Variants in XPNPEP1 observed in about 807,000 individuals in gnomAD.
XPNPEP1 encodes the protein xaa-Pro aminopeptidase 1.
In XPNPEP1, 39 loss-of-function variants were observed where a neutral mutation model predicts 92.4. That is an observed-to-expected ratio of 0.42 (90% CI 0.33 to 0.55). The LOEUF is 0.55. Ranked by LOEUF, XPNPEP1 falls within the 20% of genes least tolerant of loss-of-function variation. XPNPEP1 has a pLI of 0.08. For missense variants in XPNPEP1, 654 were observed against 856.1 expected (o/e 0.76, Z 2.95); for synonymous variants, 307 against 299.4 (o/e 1.03, Z -0.26).
At chr10:109,880,467 C>A (rs1045559399) in intron 11 of XPNPEP1, among the ~76,000 whole-genome samples, 1 of 152,080 alleles carries the variant, frequency 6.6e-6, no homozygotes, top group Non-Finnish European at 1.5e-5. Context: ...TCAGGAAGGG[C>A]CCCACCTCAG....
intron 1 of XPNPEP1, among the ~76,000 whole-genome samples, chr10:109,920,555 G>C (rs1211337699): frequency 3.9e-5 from 6 of 152,096 alleles, no homozygotes; most frequent in African/African-American, 1.4e-4. Flanking sequence ...CATTTTTTTA[G>C]AGACAGGGTC....
chr10:109,869,784 C>A (rs1408005777), intron 19 of XPNPEP1, 169 bp downstream of exon 19: 2 of 602,128 alleles, frequency 3.3e-6, no homozygotes, highest in Non-Finnish European at 5.7e-6. Flanking sequence ...CATGTTGGCC[C>A]CAGAATGGCA....
chr10:109,865,256 C>T lies in XPNPEP1; in HGVS notation c.1929G>A (p.Leu643=). The change falls in exon 21 of 21, where the codon TTG becomes TTA. Residue 643 remains leucine (L), a synonymous_variant. Coordinates refer to ENST00000502935, the MANE Select transcript of XPNPEP1 (RefSeq NM_020383.4). The part of the protein sequence containing the change: ...LTCRDVIGKE[L]QKQGRQEALE... Reference sequence around the variant, plus strand: ...GAGCTTCCTGGCGGCCCTGTTTCTGCAATTCCTTCCCAATCACATCCCTGC... The same window carrying T: ...GAGCTTCCTGGCGGCCCTGTTTCTGTAATTCCTTCCCAATCACATCCCTGC... 2 of 1,614,164 alleles carry T rather than the reference C, an allele frequency of 1.2e-6. No homozygotes were observed. The highest frequency in any genetic ancestry group is 1.7e-6 in the Non-Finnish European group (2 of 1,180,036).
At position 109,918,818 on chromosome 10, in the gene XPNPEP1, GGAAA is replaced by G. The variant is rs1305188384; in HGVS notation, c.33-3723_33-3720del. Among the ~76,000 whole-genome samples the G allele has an allele frequency of 6.4e-4, 89 of 138,642 alleles. 1 individual carries two copies. The highest frequency in any genetic ancestry group is 7.6e-3 in the Middle Eastern group (2 of 262). The allele number at this position is 138,642 out of a possible 152,430, so 91.0% of individuals were successfully genotyped here. ...AAGGAGAGGAAGGAAAGGAAAGAAAGGAAAGAAAGGAAAGGAGGAAGGAAGGAAG... is the reference window on the plus strand; with the variant it reads ...AAGGAGAGGAAGGAAAGGAAAGAAAGGAAAGGAAAGGAGGAAGGAAGGAAG... On this transcript the variant is annotated intron_variant, in intron 1 of 20. Transcript: ENST00000502935.
intron 3 of XPNPEP1, among the ~76,000 whole-genome samples, chr10:109,904,919 A>G (rs1849474412): frequency 6.6e-6 from 1 of 152,252 alleles, no homozygotes; most frequent in Non-Finnish European, 1.5e-5. Context: ...GCATATATCC[A>G]AAAGAATGGA....
At chr10:109,883,316 C>T (rs35420248) in intron 9 of XPNPEP1, among the ~76,000 whole-genome samples, 33,743 of 151,798 alleles carry the variant, frequency 0.22, 4,313 homozygotes, top group Admixed American at 0.41. Flanking sequence ...CCCCGCCCCT[C>T]CTCACCCTGC....
intron 14 of XPNPEP1, 70 bp downstream of exon 14, chr10:109,877,720 G>A: frequency 1.9e-6 from 3 of 1,588,488 alleles, no homozygotes; most frequent in Non-Finnish European, 2.6e-6. Context: ...GTAAAATAAT[G>A]TCTCTCCCCT....
chr10:109,905,846 A>C (rs898251305), intron 3 of XPNPEP1, among the ~76,000 whole-genome samples: 1 of 152,236 alleles, frequency 6.6e-6, no homozygotes, highest in Non-Finnish European at 1.5e-5. Context: ...TTTGGGGAAC[A>C]CTGTTCTAAA....
intron 1 of XPNPEP1, among the ~76,000 whole-genome samples, chr10:109,918,329 G>A (rs1394152645): frequency 1.3e-5 from 2 of 152,170 alleles, no homozygotes; most frequent in Admixed American, 6.5e-5. Flanking sequence ...GCTGAGGCAG[G>A]AGGATCGCTT....
intron 16 of XPNPEP1, among the ~76,000 whole-genome samples, chr10:109,872,837 C>G (rs1379953424): frequency 6.6e-6 from 1 of 152,196 alleles, no homozygotes; most frequent in African/African-American, 2.4e-5. Flanking sequence ...CGTCACAGAG[C>G]TAGTAAATGG....
At position 109,882,499 on chromosome 10, in the gene XPNPEP1, A is replaced by C; in HGVS notation, c.974T>G (p.Leu325Arg). ...GACCCACACCTTCTCCCTTGGGGAG[A>C]GGTCAGCACACAGGGCCTTGAGCTC... The part of the protein sequence containing the change: ...LSELKALCAD[L>R]SPREKVWVSD... The change falls in exon 10 of 21, where the codon CTC (leucine) becomes CGC (arginine). Residue 325 changes from leucine to arginine, a missense_variant. Leu to Arg is a moderately radical substitution (Grantham distance 102, BLOSUM62 -2). Coordinates refer to ENST00000502935, the MANE Select transcript of XPNPEP1 (RefSeq NM_020383.4). 6.2e-7 allele frequency: 1 copy of C among 1,614,146 alleles called. No homozygotes were observed. The highest frequency in any genetic ancestry group is 1.3e-5 in the African/African-American group (1 of 75,038).
chr10:109,900,947 G>T (rs567069591), intron 3 of XPNPEP1, among the ~76,000 whole-genome samples: 1 of 152,002 alleles, frequency 6.6e-6, no homozygotes. Flanking sequence ...ATACCCAAAG[G>T]ATTATAAATC....
intron 2 of XPNPEP1, among the ~76,000 whole-genome samples, chr10:109,910,732 A>T (rs1250856290): frequency 6.6e-6 from 1 of 152,166 alleles, no homozygotes; most frequent in Non-Finnish European, 1.5e-5. Flanking sequence ...TGCTATAAAC[A>T]TCTGTGTGCA....
At chr10:109,872,022 C>T (rs932749008) in intron 16 of XPNPEP1, among the ~76,000 whole-genome samples, 161 bp from the exon 17 acceptor site, 2 of 152,134 alleles carry the variant, frequency 1.3e-5, no homozygotes, top group African/African-American at 4.8e-5. Context: ...AGCCTGGCCA[C>T]GGGACCAATT....
rs115843068 is a variant in XPNPEP1, at chr10:109,909,546, C to A, written c.122-1731G>T. Among the ~76,000 whole-genome samples the A allele has an allele frequency of 4.1e-3, 632 of 152,300 alleles. 5 individuals are homozygous for A. Among genetic ancestry groups the A allele is most frequent in the African/African-American group, 0.014 (597 of 41,556 alleles). On this transcript the variant is annotated intron_variant, in intron 2 of 20. Coordinates refer to ENST00000502935, the MANE Select transcript of XPNPEP1 (RefSeq NM_020383.4). ...TCACTTAGTGGAAGCACAGATGATA[C>A]AAGCTGACTTAACCACTTTAGTTGG...
At chr10:109,891,640 A>T in intron 5 of XPNPEP1, 82 bp downstream of exon 5, 1 of 1,155,626 alleles carries the variant, frequency 8.7e-7, no homozygotes, top group Non-Finnish European at 1.2e-6. Context: ...TAAAAGGATT[A>T]AGATCCAGGA....
intron 1 of XPNPEP1, among the ~76,000 whole-genome samples, chr10:109,915,953 G>C (rs1021910460): frequency 3.3e-5 from 5 of 152,068 alleles, no homozygotes; most frequent in Non-Finnish European, 7.3e-5. Context: ...CCATAATCCA[G>C]GCCCTATTCT....
At chr10:109,900,514 C>T (rs1294952064) in intron 3 of XPNPEP1, among the ~76,000 whole-genome samples, 2 of 152,180 alleles carry the variant, frequency 1.3e-5, no homozygotes, top group African/African-American at 2.4e-5. Flanking sequence ...GATGGCACCA[C>T]AAACACTCCC....
chr10:109,918,335 C>T (rs962079223), intron 1 of XPNPEP1, among the ~76,000 whole-genome samples: 6 of 151,270 alleles, frequency 4.0e-5, no homozygotes, highest in African/African-American at 1.2e-4. Flanking sequence ...GCAGGAGGAT[C>T]GCTTAAGCCA....
Sources: allele counts gnomAD v4.1 joint callset (sites outside exome capture counted in the v4.1 genomes callset), GRCh38; gene constraint gnomAD v4.1.1; transcripts MANE v1.5; gene names NCBI Gene and HGNC (gene_info 2026-07-23, HGNC 2026-07-21).